The following MCPH1 variants were observed in gnomAD, a reference collection of about 807,000 sequenced individuals.
MCPH1 encodes the protein microcephalin 1, also known as microcephalin.
MCPH1 carries 104 observed loss-of-function variants against 84.5 expected under a neutral mutation model. That is an observed-to-expected ratio of 1.23 (90% CI 1.05 to 1.45). The LOEUF (loss-of-function observed/expected upper bound fraction) is 1.45. Among genes scored for constraint, MCPH1 ranks in the 40% most tolerant of loss-of-function variants. The probability of loss-of-function intolerance (pLI) is 0.00; values close to 1 mark genes in which losing one functional copy is unlikely to be tolerated. For synonymous variants in MCPH1, 514 were observed against 366.8 expected (o/e 1.40, Z -4.58); for missense variants, 1,498 against 1,005.7 (o/e 1.49, Z -6.62).
At chr8:6,542,944 G>A (rs1286715397) in intron 12 of MCPH1, among the ~76,000 whole-genome samples, 1 of 152,126 alleles carries the variant, frequency 6.6e-6, no homozygotes, top group Admixed American at 6.5e-5. Context: ...ACTAGTTTTT[G>A]CTGTCCTTTA....
chr8:6,513,518 A>G (rs1815618055), intron 12 of MCPH1, among the ~76,000 whole-genome samples: 1 of 152,034 alleles, frequency 6.6e-6, no homozygotes, highest in Non-Finnish European at 1.5e-5. Context: ...TACTTCTAGT[A>G]GAGACAGGGT....
intron 12 of MCPH1, among the ~76,000 whole-genome samples, chr8:6,609,552 CAG>C (rs1185912116): frequency 6.6e-6 from 1 of 152,210 alleles, no homozygotes; most frequent in Non-Finnish European, 1.5e-5. Flanking sequence ...CAGCGAAAGT[CAG>C]GGGGAAAAAA....
intron 3 of MCPH1, among the ~76,000 whole-genome samples, chr8:6,423,126 A>T (rs1800484831): frequency 6.6e-6 from 1 of 151,058 alleles, no homozygotes; most frequent in South Asian, 2.1e-4. Context: ...TGGCAAAAGC[A>T]CACTTTTAAG....
At chr8:6,509,008 T>C in intron 12 of MCPH1, 1 of 1,614,196 alleles carries the variant, frequency 6.2e-7, no homozygotes, top group Non-Finnish European at 8.5e-7. Context: ...CATTTCCTGG[T>C]TGGCTGATGC....
chr8:6,600,988 G>A (rs1186440447), intron 12 of MCPH1, among the ~76,000 whole-genome samples: 3 of 152,152 alleles, frequency 2.0e-5, no homozygotes, highest in South Asian at 2.1e-4. Context: ...GGGCCATTAC[G>A]GGGTCACCAA....
intron 13 of MCPH1, among the ~76,000 whole-genome samples, chr8:6,637,720 T>C (rs1586894764): frequency 1.3e-5 from 2 of 152,316 alleles, no homozygotes; most frequent in African/African-American, 4.8e-5. Flanking sequence ...TTTGAACTCC[T>C]GGGCTCAACG....
At chr8:6,630,989 C>G (rs371147851) in intron 13 of MCPH1, among the ~76,000 whole-genome samples, 3 of 152,160 alleles carry the variant, frequency 2.0e-5, no homozygotes, top group African/African-American at 7.2e-5. Flanking sequence ...TAAAATCAGG[C>G]AGAAGCTGTC....
intron 9 of MCPH1, among the ~76,000 whole-genome samples, chr8:6,460,135 G>C (rs1806115864): frequency 6.6e-6 from 1 of 151,676 alleles, no homozygotes; most frequent in Non-Finnish European, 1.5e-5. Context: ...GATTTCTTTT[G>C]CCTGTTTTCT....
At chr8:6,579,235 G>T (rs1239095872) in intron 12 of MCPH1, among the ~76,000 whole-genome samples, 1 of 152,248 alleles carries the variant, frequency 6.6e-6, no homozygotes, top group African/African-American at 2.4e-5. Flanking sequence ...TTTGGAGAGT[G>T]AAGTGACATC....
chr8:6,506,495 A>G (rs571902259), intron 12 of MCPH1, among the ~76,000 whole-genome samples: 1 of 152,320 alleles, frequency 6.6e-6, no homozygotes, highest in South Asian at 2.1e-4. Flanking sequence ...AGCTCAGCAC[A>G]TACGGGTGGT....
intron 13 of MCPH1, chr8:6,626,856 G>A (rs905343615): frequency 2.5e-5 from 25 of 984,868 alleles, no homozygotes; most frequent in Middle Eastern, 5.2e-4. Flanking sequence ...ACGAAAGGCT[G>A]GCTTGGCCTT....
chr8:6,573,595 C>T (rs991380555), intron 12 of MCPH1, among the ~76,000 whole-genome samples: 2 of 152,176 alleles, frequency 1.3e-5, no homozygotes, highest in African/African-American at 4.8e-5. Flanking sequence ...GCCATCAAGT[C>T]ATTTGCCAAA....
At chr8:6,419,469 T>C (rs542991466) in intron 3 of MCPH1, among the ~76,000 whole-genome samples, 144 of 152,104 alleles carry the variant, frequency 9.5e-4, no homozygotes, top group Non-Finnish European at 1.6e-3. Context: ...CTCGGCTCAC[T>C]GTAAGCTCTG....
At chr8:6,481,202 A>AT (rs1413638463) in intron 11 of MCPH1, among the ~76,000 whole-genome samples, 1 of 152,208 alleles carries the variant, frequency 6.6e-6, no homozygotes, top group Non-Finnish European at 1.5e-5. Context: ...GCTTTCCTCT[A>AT]TGTGTGACCA....
chr8:6,464,966 T>A (rs1416678064), intron 9 of MCPH1, among the ~76,000 whole-genome samples: 1 of 150,180 alleles, frequency 6.7e-6, no homozygotes, highest in Non-Finnish European at 1.5e-5. Context: ...GCCACGGCAT[T>A]CTGGCCTGGG....
At chr8:6,641,792 T>A (rs538187553) in intron 13 of MCPH1, among the ~76,000 whole-genome samples, 100 of 152,324 alleles carry the variant, frequency 6.6e-4, no homozygotes, top group African/African-American at 2.4e-3. Flanking sequence ...TTCACTGTTG[T>A]GGAGAGAATT....
At chr8:6,473,186 A>G (rs997184406) in intron 9 of MCPH1, among the ~76,000 whole-genome samples, 1 of 152,094 alleles carries the variant, frequency 6.6e-6, no homozygotes, top group Non-Finnish European at 1.5e-5. Context: ...TTGTTTTTAA[A>G]TGTTTAGTCT....
At chr8:6,541,723 G>A (rs549645743) in intron 12 of MCPH1, among the ~76,000 whole-genome samples, 1 of 152,128 alleles carries the variant, frequency 6.6e-6, no homozygotes, top group East Asian at 1.9e-4. Flanking sequence ...TGAATGTAGG[G>A]CCGGGCATAG....
intron 8 of MCPH1, among the ~76,000 whole-genome samples, chr8:6,450,768 G>C (rs2440411): frequency 0.69 from 104,674 of 151,714 alleles, 39,595 homozygotes; most frequent in Non-Finnish European, 0.83. Context: ...TTTGAGATAG[G>C]GTCTCACTCT....
Sources: gnomAD v4.1 joint callset for allele counts (sites outside exome capture counted in the v4.1 genomes callset) on GRCh38, gnomAD v4.1.1 for gene constraint, MANE v1.5 for transcripts, NCBI Gene and HGNC (gene_info 2026-07-23, HGNC 2026-07-21) for gene names.